Variants in MRPS2 observed in about 807,000 individuals in gnomAD.
MRPS2 encodes mitochondrial ribosomal protein S2.
Under a neutral mutation model 18.9 loss-of-function variants are expected in MRPS2, and 13 were observed. The ratio of observed to expected loss-of-function variants is 0.69; its 90% confidence interval spans 0.45 to 1.09. The LOEUF (loss-of-function observed/expected upper bound fraction) is 1.09. Among genes scored for constraint, MRPS2 ranks in the 50% least tolerant of loss-of-function variants. The pLI, the probability that MRPS2 is intolerant of heterozygous loss-of-function variation, is 0.00. For missense variants in MRPS2, 389 were observed against 421.7 expected (o/e 0.92, Z 0.68); for synonymous variants, 186 against 178.4 (o/e 1.04, Z -0.34).
intron 1 of MRPS2, 73 bp from the exon 2 acceptor site, chr9:135,500,925 T>C (rs781185724): frequency 3.8e-6 from 6 of 1,591,476 alleles, no homozygotes; most frequent in Non-Finnish European, 3.4e-6. Flanking sequence ...GAGGGGCCCG[T>C]TGGGGATGCG....
In MRPS2 at chr9:135,501,039, G is replaced by T. The variant is rs1346153660; in HGVS notation, c.85G>T (p.Ala29Ser). Residue 29 changes from alanine (A) to serine (S), a missense_variant, in exon 2 of 4, where the codon GCG becomes TCG. Coordinates refer to ENST00000241600, the MANE Select transcript of MRPS2 (RefSeq NM_016034.5). ...PSRWLGFLGK[A>S]TPRPARPSRR... is the part of the protein sequence containing the mutation. The stretch of plus-strand genomic sequence containing the variant: ...GCGCTGGTTGGGCTTTCTCGGGAAG[G>T]CGACCCCCCGGCCTGCTCGGCCGAG... The T allele has an allele frequency of 3.1e-6, 5 of 1,611,272 alleles. No homozygotes were observed. The African/African-American group carries it at 5.3e-5, about 17-fold the overall frequency.
chr9:135,504,053 T>C lies in MRPS2; in HGVS notation c.811T>C (p.Tyr271His). The C allele has an allele frequency of 6.2e-7, 1 of 1,613,072 alleles. No homozygotes were observed. The highest frequency in any genetic ancestry group is 1.1e-5 in the South Asian group (1 of 91,082). The stretch of plus-strand genomic sequence containing the variant: ...GAAGCGGCAGCAGGTTGAGGCTCTC[T>C]ATCGCCTGCAGGGCCAGAAGGAGCC... ...KEKRQQVEAL[Y>H]RLQGQKEPGD... is the part of the protein sequence containing the mutation. Residue 271 changes from tyrosine (Y) to histidine (H), a missense_variant, in exon 4 of 4, where the codon TAT becomes CAT. Coordinates refer to ENST00000241600, the MANE Select transcript of MRPS2 (RefSeq NM_016034.5). The surrounding 1 kb of genome is among the most constrained non-coding windows in gnomAD (Gnocchi z 4.3).
At chr9:135,500,905 T>A in intron 1 of MRPS2, 93 bp from the exon 2 acceptor site, 3 of 1,575,104 alleles carry the variant, frequency 1.9e-6, no homozygotes, top group Non-Finnish European at 2.6e-6. Context: ...GGGGACCCGT[T>A]AGGGACGCGG....
At chr9:135,503,323 G>T in intron 3 of MRPS2, 1 of 1,420,702 alleles carries the variant, frequency 7.0e-7, no homozygotes, top group South Asian at 1.6e-5. Flanking sequence ...GAGGGTAGGA[G>T]GGGTTAAGCC....
At chr9:135,500,519 C>T (rs1831085611), upstream of MRPS2, 2 of 540,806 alleles carry the variant, frequency 3.7e-6, no homozygotes, top group South Asian at 6.7e-5. Context: ...GCCCGAGACT[C>T]TCAAGCCCAG....
In MRPS2 at chr9:135,503,622, T is replaced by C; in HGVS notation, c.380T>C (p.Leu127Pro). 6.2e-7 allele frequency: 1 copy of C among 1,613,832 alleles called. No homozygotes were observed. The highest frequency in any genetic ancestry group is 8.5e-7 in the Non-Finnish European group (1 of 1,180,032). The change falls in exon 4 of 4, where the codon CTG (leucine) becomes CCG (proline). Residue 127 changes from leucine to proline, a missense_variant. Leu to Pro is a moderately conservative substitution (Grantham distance 98). Transcript: ENST00000241600. ...DLEQTATHLQ[L>P]ALNFTAHMAY... ...GAACAGACAGCCACGCACCTCCAGC[T>C]GGCCTTGAACTTCACCGCCCACATG...
chr9:135,501,680 A>C, intron 2 of MRPS2, 164 bp from the exon 3 acceptor site: 1 of 1,436,800 alleles, frequency 7.0e-7, no homozygotes, highest in Non-Finnish European at 9.1e-7. Flanking sequence ...GTTTCCTGAA[A>C]AGGTCCCTGT....
chr9:135,502,362 G>A (rs1211148334), intron 3 of MRPS2: 6 of 736,024 alleles, frequency 8.2e-6, no homozygotes, highest in African/African-American at 7.7e-5. Context: ...TGCTGTGGGG[G>A]GAGGGGATGG....
At chr9:135,500,069 G>A (rs1280659891), upstream of MRPS2, 7 of 551,244 alleles carry the variant, frequency 1.3e-5, no homozygotes, top group South Asian at 2.7e-5. Context: ...GCAGCCCCAG[G>A]CCCCCAGCCA....
At chr9:135,501,525 A>C in intron 2 of MRPS2, 1 of 810,744 alleles carries the variant, frequency 1.2e-6, no homozygotes, top group Non-Finnish European at 1.6e-6. Context: ...CAAGGCGGGG[A>C]GGTGCCAGAA....
At chr9:135,502,259 C>T (rs1831164376) in intron 3 of MRPS2, 1 of 1,228,916 alleles carries the variant, frequency 8.1e-7, no homozygotes, top group Non-Finnish European at 1.0e-6. Flanking sequence ...GAGGGCAGAA[C>T]CTGTAAGGTT....
At chr9:135,501,587 TA>T (rs1831137348) in intron 2 of MRPS2, 1 of 1,201,204 alleles carries the variant, frequency 8.3e-7, no homozygotes. Context: ...GTCTTCCAAG[TA>T]AGACCAAGGG....
At chr9:135,500,914 G>C in intron 1 of MRPS2, 84 bp from the exon 2 acceptor site, 1 of 1,587,722 alleles carries the variant, frequency 6.3e-7, no homozygotes, top group Non-Finnish European at 8.6e-7. Context: ...TTAGGGACGC[G>C]GAGGGGCCCG....
Position 135,501,486 on chromosome 9 carries a change from G to C in MRPS2, c.170-358G>C, listed in dbSNP as rs1831133578. The C allele has an allele frequency of 6.0e-6, 5 of 828,250 alleles. No homozygotes were observed. The East Asian group carries it at 2.4e-4, about 41-fold the overall frequency. 51.3% of individuals were successfully genotyped at this position (828,250 alleles called of 1,614,324 possible). ...TGCCCACCTTGCTGGACTCCTGATGGGGACTTTCTGGCTGGCCACCTGAGA... is the reference window on the plus strand; with the variant it reads ...TGCCCACCTTGCTGGACTCCTGATGCGGACTTTCTGGCTGGCCACCTGAGA... On this transcript the variant is annotated intron_variant, in intron 2 of 3. Transcript: ENST00000241600.
In MRPS2 at chr9:135,504,150, A is replaced by G. The variant is rs2119367260; in HGVS notation, c.*17A>G. The stretch of plus-strand genomic sequence containing the variant: ...TCCCTGTGATGTTCACTCTCCTCCC[A>G]AAGCAAACCACAGCCAAGCCTGTCT... On this transcript the variant is annotated 3_prime_UTR_variant, in exon 4 of 4. Coordinates refer to ENST00000241600, the MANE Select transcript of MRPS2 (RefSeq NM_016034.5). The surrounding 1 kb of genome is among the most constrained non-coding windows in gnomAD (Gnocchi z 4.3). The G allele has an allele frequency of 1.3e-6, 2 of 1,560,984 alleles. No individual in the cohort carries two copies. The highest frequency in any genetic ancestry group is 1.7e-6 in the Non-Finnish European group (2 of 1,158,022).
intron 3 of MRPS2, chr9:135,503,025 C>T: frequency 2.3e-6 from 2 of 869,572 alleles, no homozygotes; most frequent in Admixed American, 6.1e-5. Context: ...GGGGTGTCTC[C>T]CATGCCCCGC....
chr9:135,504,006 C>T lies in MRPS2; in HGVS notation c.764C>T (p.Thr255Met), dbSNP rs200850594. 42 of 1,613,548 alleles carry T rather than the reference C, an allele frequency of 2.6e-5. 1 individual carries two copies. Among genetic ancestry groups the T allele is most frequent in the African/African-American group, 1.7e-4 (13 of 75,072 alleles). ...CACCTCTACTGCAGGCTCTTCCAGA[C>T]GGCCATCACCCGGGCCAAGGAGAAG... ...AVHLYCRLFQ[T>M]AITRAKEKRQ... is the part of the protein sequence containing the mutation. Residue 255 changes from threonine (T) to methionine (M), a missense_variant, in exon 4 of 4, where the codon ACG (threonine) becomes ATG (methionine). Coordinates refer to ENST00000241600, the MANE Select transcript of MRPS2 (RefSeq NM_016034.5). The surrounding 1 kb of genome is among the most constrained non-coding windows in gnomAD (Gnocchi z 4.3).
At chr9:135,502,140 C>T (rs1181124164) in intron 3 of MRPS2, 167 bp downstream of exon 3, 8 of 1,425,942 alleles carry the variant, frequency 5.6e-6, no homozygotes, top group Non-Finnish European at 7.3e-6. Flanking sequence ...GGAGTTTATT[C>T]CTCAGCTTGG....
intron 2 of MRPS2, 99 bp from the exon 3 acceptor site, chr9:135,501,745 C>CA: frequency 6.5e-7 from 1 of 1,545,910 alleles, no homozygotes; most frequent in Admixed American, 1.8e-5. Context: ...CTCGGTGTCA[C>CA]AGAAGGCACT....
Sources: allele counts gnomAD v4.1 joint callset, GRCh38; gene constraint gnomAD v4.1.1; non-coding constraint Gnocchi (gnomAD v3.1); transcripts MANE v1.5; gene names NCBI Gene and HGNC (gene_info 2026-07-23, HGNC 2026-07-21).